The following GMPS variants were observed in gnomAD, a reference collection of about 807,000 sequenced individuals.
GMPS encodes guanosine monophosphate synthase, also known as GMP synthase [glutamine-hydrolyzing].
GMPS carries 15 observed loss-of-function variants against 77.9 expected under a neutral mutation model. The observed-to-expected ratio is 0.19, with a 90% CI of 0.13 to 0.30. The LOEUF (loss-of-function observed/expected upper bound fraction) is 0.30. GMPS is among the 10% of genes least tolerant of loss of function. GMPS has a pLI of 1.00. For synonymous variants in GMPS, 224 were observed against 275.9 expected (o/e 0.81, Z 1.86); for missense variants, 590 against 838.8 (o/e 0.70, Z 3.66).
chr3:155,879,637 T>A lies in GMPS; in HGVS notation c.27+8740T>A, dbSNP rs1397244577. 3.9e-5 allele frequency among the ~76,000 whole-genome samples: 6 copies of A among 152,226 alleles called. No individual in the cohort carries two copies. In the East Asian group the frequency reaches 9.6e-4, roughly 24 times the overall value. On this transcript the variant is annotated intron_variant, in intron 1 of 15. Transcript: ENST00000496455. The stretch of plus-strand genomic sequence containing the variant: ...ATCTCATTTTGGCTATGATTTGCAT[T>A]TCCCTAATGACTGGTTATGTGCATT...
rs544217199 is a variant in GMPS, at chr3:155,894,340, C to G, written c.209+641C>G. ...CCAGGTTCAGGTGATGCTCCTGCCT[C>G]AGCCTCTCGAGTAGCTGGAAGTACA... is the stretch of plus-strand genomic sequence containing the variant. On this transcript the variant is annotated intron_variant, in intron 2 of 15. Coordinates refer to ENST00000496455, the MANE Select transcript of GMPS (RefSeq NM_003875.3). Among the ~76,000 whole-genome samples the G allele has an allele frequency of 2.0e-5, 3 of 152,282 alleles. No individual in the cohort carries two copies. The South Asian group carries it at 6.2e-4, about 32-fold the overall frequency.
intron 1 of GMPS, among the ~76,000 whole-genome samples, chr3:155,872,599 T>C (rs987578112): frequency 6.6e-6 from 1 of 152,332 alleles, no homozygotes; most frequent in Non-Finnish European, 1.5e-5. Context: ...AAGATTTGTT[T>C]CCAGAGTATA....
At chr3:155,936,036 G>A (rs1020361813) in intron 14 of GMPS, among the ~76,000 whole-genome samples, 32 of 152,114 alleles carry the variant, frequency 2.1e-4, no homozygotes, top group African/African-American at 7.5e-4. Flanking sequence ...TCGCTAATTC[G>A]TTGTTTGCAG....
At chr3:155,925,413 T>TC in intron 12 of GMPS, 47 bp downstream of exon 12, 1 of 1,473,640 alleles carries the variant, frequency 6.8e-7, no homozygotes, top group Non-Finnish European at 9.2e-7. Flanking sequence ...TTTTTTTTTT[T>TC]TCTTTTCTTG....
intron 9 of GMPS, among the ~76,000 whole-genome samples, chr3:155,917,203 C>T (rs1755203358): frequency 6.6e-6 from 1 of 152,094 alleles, no homozygotes; most frequent in African/African-American, 2.4e-5. Context: ...CAACTCCTGA[C>T]CTCAGGTGAT....
rs1475139812 is a variant in GMPS, at chr3:155,896,608, A to T, written c.210-1319A>T. Reference sequence around the variant, plus strand: ...TTATTTTTTTAAATTTTTTGTAGACATGGGGTTTTGCCACATTGCCCAGGC... The same window carrying T: ...TTATTTTTTTAAATTTTTTGTAGACTTGGGGTTTTGCCACATTGCCCAGGC... On this transcript the variant is annotated intron_variant, in intron 2 of 15. Transcript: ENST00000496455. Among the ~76,000 whole-genome samples, 3 of 150,752 alleles carry T rather than the reference A, an allele frequency of 2.0e-5. No individual in the cohort carries two copies. The East Asian group carries it at 5.9e-4, about 29-fold the overall frequency.
At chr3:155,897,748 ATAAT>A (rs1349571401) in intron 2 of GMPS, among the ~76,000 whole-genome samples, 175 bp from the exon 3 acceptor site, 1 of 152,264 alleles carries the variant, frequency 6.6e-6, no homozygotes, top group African/African-American at 2.4e-5. Context: ...TACAGTAAAA[ATAAT>A]TAAACCACGT....
intron 4 of GMPS, among the ~76,000 whole-genome samples, chr3:155,905,115 G>A (rs931149654): frequency 4.0e-5 from 6 of 151,814 alleles, no homozygotes; most frequent in Admixed American, 3.3e-4. Context: ...TCCACCTCCC[G>A]GGTTCAAGTG....
At chr3:155,900,230 A>G (rs1754703764) in intron 3 of GMPS, among the ~76,000 whole-genome samples, 1 of 152,134 alleles carries the variant, frequency 6.6e-6, no homozygotes, top group Non-Finnish European at 1.5e-5. Context: ...TTTACAGTAA[A>G]AGCCTCTTCT....
intron 1 of GMPS, among the ~76,000 whole-genome samples, chr3:155,877,403 G>A (rs1001922295): frequency 1.3e-5 from 2 of 151,958 alleles, no homozygotes; most frequent in Non-Finnish European, 2.9e-5. Context: ...CATGTACTCT[G>A]CTTAAAGTAT....
At chr3:155,918,423 G>A (rs186095141) in intron 9 of GMPS, among the ~76,000 whole-genome samples, 1 of 152,324 alleles carries the variant, frequency 6.6e-6, no homozygotes, top group African/African-American at 2.4e-5. Flanking sequence ...CTGCACTCCC[G>A]CCTGAGCGAC....
At chr3:155,937,531 C>A in intron 15 of GMPS, 60 bp from the exon 16 acceptor site, 1 of 735,416 alleles carries the variant, frequency 1.4e-6, no homozygotes, top group Non-Finnish European at 2.4e-6. Context: ...AAATGTAAGC[C>A]CTCTAGGACT....
chr3:155,913,612 C>G (rs1246748938), intron 7 of GMPS, among the ~76,000 whole-genome samples: 1 of 151,544 alleles, frequency 6.6e-6, no homozygotes, highest in South Asian at 2.1e-4. Flanking sequence ...ACCTCTGCCT[C>G]CCAGGTTTAA....
chr3:155,882,143 G>C (rs998146989), intron 1 of GMPS, among the ~76,000 whole-genome samples: 4 of 152,182 alleles, frequency 2.6e-5, no homozygotes, highest in African/African-American at 7.2e-5. Flanking sequence ...ATTGGCCAAA[G>C]CAAGTCTTGT....
At position 155,938,273 on chromosome 3, in the gene GMPS, T is replaced by C. The variant is rs1258165954; in HGVS notation, c.*581T>C. The C allele has an allele frequency of 4.5e-6, 1 of 220,224 alleles. No homozygotes were observed. Among genetic ancestry groups the C allele is most frequent in the Admixed American group, 5.8e-5 (1 of 17,358 alleles). The allele number at this position is 220,224 out of a possible 1,614,324, so 13.6% of individuals were successfully genotyped here. ...TGGAAAAGCACCAGGAATTTGTTGA[T>C]GTACTTTTGAATTTTATTTCACAGC... On this transcript the variant is annotated 3_prime_UTR_variant, in exon 16 of 16. Coordinates refer to ENST00000496455, the MANE Select transcript of GMPS (RefSeq NM_003875.3).
chr3:155,873,783 C>G (rs1753962325), intron 1 of GMPS, among the ~76,000 whole-genome samples: 1 of 151,366 alleles, frequency 6.6e-6, no homozygotes, highest in Non-Finnish European at 1.5e-5. Context: ...TACAGGCGCC[C>G]GCCACCATGC....
intron 8 of GMPS, among the ~76,000 whole-genome samples, chr3:155,914,787 CAG>C (rs979304805): frequency 6.6e-6 from 1 of 151,120 alleles, no homozygotes; most frequent in Non-Finnish European, 1.5e-5. Flanking sequence ...TTTTTTGAGA[CAG>C]AGTCTTGCTG....
At chr3:155,880,579 T>A (rs1433227955) in intron 1 of GMPS, among the ~76,000 whole-genome samples, 1 of 152,242 alleles carries the variant, frequency 6.6e-6, no homozygotes, top group Non-Finnish European at 1.5e-5. Context: ...TATGTACTCA[T>A]GTAACCATCA....
chr3:155,916,793 G>A (rs1220490979), intron 9 of GMPS, among the ~76,000 whole-genome samples: 4 of 152,080 alleles, frequency 2.6e-5, no homozygotes, highest in Non-Finnish European at 4.4e-5. Context: ...GAGTAGAATT[G>A]CTAGGTCTTA....
Sources: allele counts gnomAD v4.1 joint callset (sites outside exome capture counted in the v4.1 genomes callset), GRCh38; gene constraint gnomAD v4.1.1; transcripts MANE v1.5; gene names NCBI Gene and HGNC (gene_info 2026-07-23, HGNC 2026-07-21).